KIR3DL1: variants seen among roughly 807,000 people sequenced by gnomAD.
KIR3DL1 encodes the protein killer cell immunoglobulin-like receptor 3DL1.
KIR3DL1 carries 50 observed loss-of-function variants against 40.3 expected under a neutral mutation model. The observed-to-expected ratio is 1.24, with a 90% CI of 0.99 to 1.57. The LOEUF is 1.57. KIR3DL1 is among the 40% of genes most tolerant of loss of function. The pLI, the probability that KIR3DL1 is intolerant of heterozygous loss-of-function variation, is 0.00. For synonymous variants in KIR3DL1, 257 were observed against 207.2 expected, an observed-to-expected ratio of 1.24 and a Z score of -2.07; for missense variants, 661 against 559.9, an observed-to-expected ratio of 1.18 and a Z score of -1.82.
chr19:54,816,657 G>A lies in KIR3DL1; in HGVS notation c.34+123G>A, dbSNP rs1458468126. The A allele has an allele frequency of 2.8e-4, 399 of 1,428,378 alleles. 12 individuals carry two copies. Among genetic ancestry groups the A allele is most frequent in the Middle Eastern group, 1.9e-3 (10 of 5,404 alleles). The allele number at this position is 1,428,378 out of a possible 1,614,324, so 88.5% of individuals were successfully genotyped here. A position where few individuals can be genotyped will look rare whatever the true frequency, so the allele number is the denominator to read the frequency against. On this transcript the variant is annotated intron_variant, in intron 1 of 8. Transcript: ENST00000391728. ...GGTGGAGTTATGGGCCTGAAGTGGA[G>A]ATCTGGGCCTGGAGTGGAGATCTGG...
exon 2 of KIR3DL1, chr19:54,817,564 A>G: frequency 6.6e-7 from 1 of 1,511,376 alleles, no homozygotes; most frequent in South Asian, 1.2e-5. Context: ...GCCGGTCCAC[A>G]CATGGGTGAG....
chr19:54,817,719 G>T, intron 2 of KIR3DL1, 150 bp downstream of exon 2: 1 of 654,054 alleles, frequency 1.5e-6, no homozygotes. Flanking sequence ...TGCCTTCCCC[G>T]GCCTTTCATT....
intron 5 of KIR3DL1, among the ~76,000 whole-genome samples, chr19:54,823,979 A>T (rs561654782): frequency 1.3e-5 from 2 of 151,192 alleles, no homozygotes; most frequent in South Asian, 4.2e-4. Context: ...TGAGCTTCTT[A>T]TATTTCCAGT....
chr19:54,826,483 TC>T (rs761071676), intron 6 of KIR3DL1, among the ~76,000 whole-genome samples: 5,659 of 142,534 alleles, frequency 0.04, 32 homozygotes, highest in East Asian at 0.085. Context: ...CCCGGCTAAT[TC>T]TTTTTGTATA....
At position 54,817,572 on chromosome 19, in the gene KIR3DL1, G is replaced by T; in HGVS notation, c.70+3G>T. Reference sequence around the variant, plus strand: ...CCAGAGGGCCGGTCCACACATGGGTGAGTCCTTCCCCAAACCTTAGGGTGT... The same window carrying T: ...CCAGAGGGCCGGTCCACACATGGGTTAGTCCTTCCCCAAACCTTAGGGTGT... On this transcript the variant is annotated splice_donor_region_variant and intron_variant, in intron 2 of 8. Transcript: ENST00000391728. The T allele has an allele frequency of 6.6e-7, 1 of 1,508,336 alleles. No homozygotes were observed. Among genetic ancestry groups the T allele is most frequent in the South Asian group, 1.2e-5 (1 of 86,486 alleles). The allele number at this position is 1,508,336 out of a possible 1,614,324, so 93.4% of individuals were successfully genotyped here.
chr19:54,817,832 A>G (rs1431396015), intron 2 of KIR3DL1, among the ~76,000 whole-genome samples: 1 of 148,630 alleles, frequency 6.7e-6, no homozygotes, highest in Admixed American at 6.7e-5. Context: ...AAGAGAGGGA[A>G]GCAGTGCTAG....
intron 5 of KIR3DL1, among the ~76,000 whole-genome samples, chr19:54,823,354 A>G (rs2061731676): frequency 6.6e-6 from 1 of 151,264 alleles, no homozygotes; most frequent in Non-Finnish European, 1.5e-5. Context: ...AGTTTTTTAA[A>G]GAATTTCCAT....
intron 3 of KIR3DL1, among the ~76,000 whole-genome samples, chr19:54,819,265 G>A (rs1210237018): frequency 2.0e-5 from 3 of 150,124 alleles, no homozygotes; most frequent in Non-Finnish European, 4.4e-5. Context: ...GACAAGTTAG[G>A]AAACCAAACA....
intron 1 of KIR3DL1, among the ~76,000 whole-genome samples, chr19:54,817,009 G>A (rs796968605): frequency 4.7e-5 from 7 of 148,392 alleles, no homozygotes; most frequent in African/African-American, 1.8e-4. Context: ...GTGGAGTTAA[G>A]GGCATGAAGT....
At chr19:54,826,172 G>T in intron 6 of KIR3DL1, among the ~76,000 whole-genome samples, 1 of 139,956 alleles carries the variant, frequency 7.1e-6, no homozygotes, top group East Asian at 2.0e-4. Flanking sequence ...TTCCACGAAC[G>T]GTGAACAAGA....
rs1178446147 is a variant in KIR3DL1 at position 54,829,288 on chromosome 19, C to A, written c.1001-73C>A. 9 of 1,246,248 alleles carry A rather than the reference C, an allele frequency of 7.2e-6. 1 individual carries two copies. Among genetic ancestry groups the A allele is most frequent in the Non-Finnish European group, 9.0e-6 (8 of 886,026 alleles). 77.2% of individuals were successfully genotyped at this position (1,246,248 alleles called of 1,614,324 possible). A position where few individuals can be genotyped will look rare whatever the true frequency, so the allele number is the denominator to read the frequency against. The stretch of plus-strand genomic sequence containing the variant: ...ATGCTGTAAGTGGTTACCTGTCAAT[C>A]AAGAAATGCAAGACAATTCATATAG... On this transcript the variant is annotated intron_variant, in intron 6 of 8. Coordinates refer to ENST00000391728, the Ensembl canonical transcript of KIR3DL1.
chr19:54,821,071 A>C (rs2061607809), intron 4 of KIR3DL1, among the ~76,000 whole-genome samples: 2 of 150,584 alleles, frequency 1.3e-5, no homozygotes, highest in Non-Finnish European at 3.0e-5. Context: ...ACAGAGAGGC[A>C]GACAGAGAGG....
At position 54,818,602 on chromosome 19, in the gene KIR3DL1, C is replaced by A; in HGVS notation, c.355+3C>A. ...CCCCGTGGTGATCATGGTCACAGGTCAGAGGCTTTCCGTCTGGGCTTCTCA... is the reference window on the plus strand; with the variant it reads ...CCCCGTGGTGATCATGGTCACAGGTAAGAGGCTTTCCGTCTGGGCTTCTCA... On this transcript the variant is annotated splice_donor_region_variant and intron_variant, in intron 3 of 8. Transcript: ENST00000391728. 3 of 1,607,292 alleles carry A rather than the reference C, an allele frequency of 1.9e-6. No individual in the cohort carries two copies. Among genetic ancestry groups the A allele is most frequent in the Non-Finnish European group, 2.5e-6 (3 of 1,179,020 alleles).
chr19:54,819,095 G>A (rs2061502809), intron 3 of KIR3DL1, among the ~76,000 whole-genome samples: 1 of 151,314 alleles, frequency 6.6e-6, no homozygotes, highest in Admixed American at 6.6e-5. Flanking sequence ...TTCTCCAGAG[G>A]GAACGCAGCC....
chr19:54,819,626 C>A, intron 3 of KIR3DL1, 87 bp from the exon 4 acceptor site: 10 of 1,449,352 alleles, frequency 6.9e-6, no homozygotes, highest in Non-Finnish European at 9.4e-6. Context: ...GAGACAGACA[C>A]GGGGAGGGGA....
At chr19:54,817,983 C>A (rs2061433485) in intron 2 of KIR3DL1, among the ~76,000 whole-genome samples, 1 of 149,156 alleles carries the variant, frequency 6.7e-6, no homozygotes, top group African/African-American at 2.5e-5. Context: ...TCCAAATCCT[C>A]TGATGGGGGC....
intron 3 of KIR3DL1, 150 bp from the exon 4 acceptor site, chr19:54,819,563 G>C: frequency 2.2e-6 from 2 of 928,174 alleles, no homozygotes; most frequent in South Asian, 3.2e-5. Flanking sequence ...GGAGGCACCT[G>C]CACCAGGGGA....
chr19:54,817,278 C>A (rs608415), intron 1 of KIR3DL1, among the ~76,000 whole-genome samples: 1 of 140,248 alleles, frequency 7.1e-6, no homozygotes, highest in South Asian at 2.3e-4. Flanking sequence ...GAGATATGGG[C>A]CTGGAGTGGA....
chr19:54,823,867 CT>C (rs2061758127), intron 5 of KIR3DL1, among the ~76,000 whole-genome samples: 1 of 151,548 alleles, frequency 6.6e-6, no homozygotes, highest in South Asian at 2.1e-4. Context: ...ATGCCGAGTA[CT>C]TTTTCATATA....
Sources: gnomAD v4.1 joint callset for allele counts (sites outside exome capture counted in the v4.1 genomes callset) on GRCh38, gnomAD v4.1.1 for gene constraint, MANE v1.5 for transcripts, NCBI Gene and HGNC (gene_info 2026-07-23, HGNC 2026-07-21) for gene names.